The following ADGB variants were observed in gnomAD, a reference collection of about 807,000 sequenced individuals.
ADGB encodes calpain-7-like protein.
In ADGB, 172 loss-of-function variants were observed where a neutral mutation model predicts 210.5. That is an observed-to-expected ratio of 0.82 (90% CI 0.72 to 0.93). The LOEUF is 0.93. ADGB is among the 40% of genes least tolerant of loss of function. ADGB has a pLI of 0.00. For missense variants in ADGB, 2,025 were observed against 1,964.8 expected (o/e 1.03, Z -0.58); for synonymous variants, 658 against 662.7 (o/e 0.99, Z 0.11).
At chr6:146,656,016 T>C (rs542009527) in intron 4 of ADGB, among the ~76,000 whole-genome samples, 2 of 151,516 alleles carry the variant, frequency 1.3e-5, no homozygotes, top group Non-Finnish European at 3.0e-5. Context: ...ATTTCTTACA[T>C]ACTGTTTCTA....
rs974222666 is a variant in ADGB, at chr6:146,599,031, G to A, written c.-10G>A. On this transcript the variant is annotated 5_prime_UTR_variant, in exon 1 of 36. Coordinates refer to ENST00000397944, the MANE Select transcript of ADGB (RefSeq NM_024694.4). ...CTCAGAGCTCAGCCCTACATAGATC[G>A]GCTTCTGCCATGGCCTCCAAACAAA... is the stretch of plus-strand genomic sequence containing the variant. The A allele has an allele frequency of 3.9e-6, 6 of 1,550,990 alleles. No individual in the cohort carries two copies. The African/African-American group carries it at 8.2e-5, about 21-fold the overall frequency.
chr6:146,653,684 C>T (rs937463681), intron 3 of ADGB, among the ~76,000 whole-genome samples: 3 of 151,984 alleles, frequency 2.0e-5, no homozygotes, highest in Non-Finnish European at 2.9e-5. Flanking sequence ...ACAACAAACC[C>T]CCATGACGTA....
chr6:146,695,838 GA>G (rs1776393914), intron 12 of ADGB, among the ~76,000 whole-genome samples: 1 of 151,908 alleles, frequency 6.6e-6, no homozygotes. Flanking sequence ...AGATTAAAAT[GA>G]AAAGCTCATT....
chr6:146,765,128 T>C (rs1777553380), intron 28 of ADGB, among the ~76,000 whole-genome samples: 1 of 152,032 alleles, frequency 6.6e-6, no homozygotes, highest in Non-Finnish European at 1.5e-5. Context: ...TATAGAAACA[T>C]TATATAAAAA....
In ADGB at chr6:146,653,968, G is replaced by A. The variant is rs552383498; in HGVS notation, c.331-167G>A. On this transcript the variant is annotated intron_variant, in intron 3 of 35. Coordinates refer to ENST00000397944, the MANE Select transcript of ADGB (RefSeq NM_024694.4). ...TAGTGTTCCATTATTGGAACGCTAA[G>A]CATGTGGGAGTTATTTATATCCTAC... Among the ~76,000 whole-genome samples the A allele has an allele frequency of 3.9e-5, 6 of 152,220 alleles. No homozygotes were observed. In the East Asian group the frequency reaches 5.8e-4, roughly 15 times the overall value.
chr6:146,728,412 C>T (rs1776929093), intron 19 of ADGB, among the ~76,000 whole-genome samples, 162 bp from the exon 20 acceptor site: 1 of 152,180 alleles, frequency 6.6e-6, no homozygotes, highest in Non-Finnish European at 1.5e-5. Flanking sequence ...CTTGTTTTTT[C>T]TGAGACTACA....
chr6:146,601,000 A>G (rs1780549161), intron 1 of ADGB, among the ~76,000 whole-genome samples: 1 of 152,012 alleles, frequency 6.6e-6, no homozygotes, highest in South Asian at 2.1e-4. Context: ...CAAGTAATGC[A>G]CATTGAAGGC....
At position 146,769,041 on chromosome 6, in the gene ADGB, T is replaced by C. The variant is rs1317023951; in HGVS notation, c.3772T>C (p.Cys1258Arg). 2.6e-6 allele frequency: 4 copies of C among 1,518,744 alleles called. No homozygotes were observed. In the Admixed American group the frequency reaches 7.9e-5, roughly 30 times the overall value. The allele number at this position is 1,518,744 out of a possible 1,614,324, so 94.1% of individuals were successfully genotyped here. A position where few individuals can be genotyped will look rare whatever the true frequency, so the allele number is the denominator to read the frequency against. ...ACAGAATTACAAGTATATTATACAG[T>C]GTTCGGTGTTGTATAACAGTTGGCC... The part of the protein sequence containing the change: ...PLQNYKYIIQ[C>R]SVLYNSWPLT... Residue 1258 changes from cysteine (C) to arginine (R), a missense_variant, in exon 29 of 36, where the codon TGT becomes CGT. Cys to Arg is a radical substitution (Grantham distance 180). Coordinates refer to ENST00000397944, the MANE Select transcript of ADGB (RefSeq NM_024694.4).
rs763853438 is a variant in ADGB, at chr6:146,782,185, A to T, written c.4028A>T (p.Glu1343Val). The T allele has an allele frequency of 3.3e-6, 5 of 1,532,814 alleles. No individual in the cohort carries two copies. In the South Asian group the frequency reaches 6.3e-5, roughly 19 times the overall value. The allele number at this position is 1,532,814 out of a possible 1,614,324, so 95.0% of individuals were successfully genotyped here. ...TAKEKQAPRFEPQISTVHPQQ... is the reference protein window; with the variant it reads ...TAKEKQAPRFVPQISTVHPQQ... ...AAAGAAAAACAAGCACCTCGCTTTG[A>T]GCCTCAGGTGGGTGTGGAATTTTTT... The change falls in exon 30 of 36, where the codon GAG becomes GTG. Residue 1343 changes from glutamate to valine, a missense_variant. By Grantham distance (121) the Glu-to-Val change is moderately radical (BLOSUM62 -2). Transcript: ENST00000397944.
At chr6:146,669,380 G>T (rs1775976961) in intron 7 of ADGB, among the ~76,000 whole-genome samples, 1 of 151,964 alleles carries the variant, frequency 6.6e-6, no homozygotes, top group African/African-American at 2.4e-5. Flanking sequence ...TGAGTGGTTT[G>T]TACACACTGT....
intron 1 of ADGB, among the ~76,000 whole-genome samples, chr6:146,623,856 GT>G (rs1780935575): frequency 1.3e-5 from 2 of 151,582 alleles, no homozygotes; most frequent in Non-Finnish European, 3.0e-5. Flanking sequence ...TTTTTAGTTT[GT>G]TAATAGGATG....
intron 7 of ADGB, among the ~76,000 whole-genome samples, chr6:146,670,546 C>A (rs560445113): frequency 9.8e-5 from 15 of 152,300 alleles, no homozygotes; most frequent in African/African-American, 3.1e-4. Context: ...TAACCATCAA[C>A]TCCTTAGACA....
intron 5 of ADGB, among the ~76,000 whole-genome samples, chr6:146,661,527 GT>G (rs556931585): frequency 5.9e-5 from 9 of 151,654 alleles, no homozygotes; most frequent in South Asian, 4.2e-4. Flanking sequence ...CACTGATATA[GT>G]TTTTTTAAAC....
chr6:146,760,626 A>G (rs1459324030), intron 27 of ADGB, among the ~76,000 whole-genome samples: 1 of 151,832 alleles, frequency 6.6e-6, no homozygotes, highest in Non-Finnish European at 1.5e-5. Flanking sequence ...AATATTCAGG[A>G]GTTGAATTAG....
chr6:146,619,120 T>C (rs932805193), intron 1 of ADGB, among the ~76,000 whole-genome samples: 3 of 152,122 alleles, frequency 2.0e-5, no homozygotes, highest in East Asian at 1.9e-4. Flanking sequence ...CATATATATA[T>C]AGATAGATAG....
chr6:146,728,440 C>T, intron 19 of ADGB, 134 bp from the exon 20 acceptor site: 2 of 945,236 alleles, frequency 2.1e-6, no homozygotes, highest in Non-Finnish European at 3.0e-6. Flanking sequence ...GTAAAGCTAC[C>T]TTGATATCAA....
chr6:146,768,384 T>G (rs1193237101), intron 28 of ADGB, among the ~76,000 whole-genome samples: 1 of 152,116 alleles, frequency 6.6e-6, no homozygotes, highest in Non-Finnish European at 1.5e-5. Flanking sequence ...AATGCATACA[T>G]AGGTAAATGG....
chr6:146,704,882 AT>A (rs1776545689), intron 13 of ADGB, among the ~76,000 whole-genome samples: 1 of 152,108 alleles, frequency 6.6e-6, no homozygotes, highest in South Asian at 2.1e-4. Context: ...TCTCATCAGA[AT>A]GTTGATAGAT....
In ADGB at chr6:146,733,267, T is replaced by C. The variant is rs1027252762; in HGVS notation, c.2656+12T>C. 82 of 1,440,844 alleles carry C rather than the reference T, an allele frequency of 5.7e-5. No homozygotes were observed. Among genetic ancestry groups the C allele is most frequent in the Admixed American group, 8.8e-5 (3 of 34,108 alleles). 89.3% of individuals were successfully genotyped at this position (1,440,844 alleles called of 1,614,324 possible). A position where few individuals can be genotyped will look rare whatever the true frequency, so the allele number is the denominator to read the frequency against. On this transcript the variant is annotated intron_variant, in intron 21 of 35. Transcript: ENST00000397944. ...AGAGGTTTCTTTAGGTACCCATGAA[T>C]TGTATATATTTAATCAAGGAATTCC...
Sources: gnomAD v4.1 joint callset for allele counts (sites outside exome capture counted in the v4.1 genomes callset) on GRCh38, gnomAD v4.1.1 for gene constraint, MANE v1.5 for transcripts, NCBI Gene and HGNC (gene_info 2026-07-23, HGNC 2026-07-21) for gene names.